The following GALNT17 variants were observed in gnomAD, a reference collection of about 807,000 sequenced individuals.
The protein encoded by GALNT17 is UDP-GalNAc:polypeptide N-acetylgalactosaminyltransferase-like 3.
Under a neutral mutation model 63.7 loss-of-function variants are expected in GALNT17, and 29 were observed. That is an observed-to-expected ratio of 0.46 (90% confidence interval 0.34 to 0.62). GALNT17 has a LOEUF of 0.62. Ranked by LOEUF, GALNT17 falls within the 20% of genes least tolerant of loss-of-function variation. The pLI is 0.01. For missense variants in GALNT17, 603 were observed against 799.6 expected, an observed-to-expected ratio of 0.75 and a Z score of 2.97; for synonymous variants, 305 against 318.3, an observed-to-expected ratio of 0.96 and a Z score of 0.45.
Position 71,570,390 on chromosome 7 carries a change from C to A in GALNT17, c.963-895C>A, listed in dbSNP as rs534545316. 3.3e-4 allele frequency among the ~76,000 whole-genome samples: 51 copies of A among 152,266 alleles called. 1 individual carries two copies. The South Asian group carries it at 0.01, about 31-fold the overall frequency. ...TAAAGACCCCACCCTGGTCCACTTT[C>A]TTCCAGCATAACGTGGAAATTGGAG... On this transcript the variant is annotated intron_variant, in intron 5 of 10. Transcript: ENST00000333538.
chr7:71,152,197 G>A (rs529958653), intron 1 of GALNT17, among the ~76,000 whole-genome samples: 16 of 152,096 alleles, frequency 1.1e-4, no homozygotes, highest in African/African-American at 3.6e-4. Flanking sequence ...CAAATCTCAC[G>A]AAATATCTTT....
chr7:71,616,288 C>A (rs1197546413), intron 6 of GALNT17, among the ~76,000 whole-genome samples: 3 of 151,882 alleles, frequency 2.0e-5, no homozygotes, highest in Non-Finnish European at 4.4e-5. Context: ...AGATTCTTTC[C>A]CCCCCGTCCT....
chr7:71,267,857 C>T (rs1383603742), intron 1 of GALNT17, among the ~76,000 whole-genome samples: 1 of 138,854 alleles, frequency 7.2e-6, no homozygotes, highest in East Asian at 2.5e-4. Flanking sequence ...CCCCCACCTG[C>T]CCCCACCCCC....
intron 2 of GALNT17, among the ~76,000 whole-genome samples, chr7:71,358,820 C>G (rs1474591593): frequency 6.6e-6 from 1 of 151,702 alleles, no homozygotes; most frequent in Admixed American, 6.6e-5. Context: ...GTTGCCCAGG[C>G]TGGAGTGCAG....
intron 1 of GALNT17, among the ~76,000 whole-genome samples, chr7:71,257,382 A>G (rs1790308069): frequency 6.6e-6 from 1 of 152,210 alleles, no homozygotes. Flanking sequence ...AAATTCTCCA[A>G]GTAGGTGGAT....
intron 7 of GALNT17, among the ~76,000 whole-genome samples, chr7:71,669,418 G>A (rs1198479663): frequency 6.6e-6 from 1 of 151,982 alleles, no homozygotes; most frequent in African/African-American, 2.4e-5. Context: ...GGCTGAGGCA[G>A]GAGAATCGCT....
At chr7:71,174,625 C>T (rs1487598789) in intron 1 of GALNT17, among the ~76,000 whole-genome samples, 11 of 151,990 alleles carry the variant, frequency 7.2e-5, no homozygotes, top group Non-Finnish European at 1.0e-4. Flanking sequence ...CAATGTTTTG[C>T]GGGCAGGGGA....
intron 5 of GALNT17, among the ~76,000 whole-genome samples, chr7:71,557,997 C>T (rs896159212): frequency 6.6e-6 from 1 of 151,938 alleles, no homozygotes; most frequent in Non-Finnish European, 1.5e-5. Flanking sequence ...TGGTTTGAAC[C>T]CAGGAGGCAG....
Position 71,678,110 on chromosome 7 carries a change from C to CTATT in GALNT17, c.1500+820_1500+823dup, listed in dbSNP as rs575550364. Among the ~76,000 whole-genome samples the CTATT allele has an allele frequency of 3.9e-4, 59 of 151,616 alleles. 1 individual carries two copies. Among genetic ancestry groups the CTATT allele is most frequent in the South Asian group, 3.1e-3 (15 of 4,780 alleles). On this transcript the variant is annotated intron_variant, in intron 9 of 10. Transcript: ENST00000333538. ...TTCCAGCACAGCCAAGCATTTTATA[C>CTATT]TATTTATTTATTTATTTATCTGTTT...
intron 1 of GALNT17, among the ~76,000 whole-genome samples, chr7:71,274,789 G>A (rs761179242): frequency 1.2e-4 from 18 of 152,170 alleles, no homozygotes; most frequent in Admixed American, 2.0e-4. Flanking sequence ...CAGGTACCCC[G>A]CAGAGGCTGT....
intron 5 of GALNT17, among the ~76,000 whole-genome samples, chr7:71,445,643 T>A (rs1426824357): frequency 6.6e-6 from 1 of 152,216 alleles, no homozygotes; most frequent in Non-Finnish European, 1.5e-5. Flanking sequence ...GGTAGGAGAC[T>A]GTAAAATAGG....
chr7:71,377,114 A>AAAATATATATATATATATATAT lies in GALNT17; in HGVS notation c.423-11120_423-11119insAATATATATATATATATATATA. ...AAAAAAAAAAAATAAAAATAAAAAA[A>AAAATATATATATATATATATAT]ATATATATATATATATATATATATA... On this transcript the variant is annotated intron_variant, in intron 2 of 10. Coordinates refer to ENST00000333538, the MANE Select transcript of GALNT17 (RefSeq NM_022479.3). 2.3e-4 allele frequency among the ~76,000 whole-genome samples: 13 copies of AAAATATATATATATATATATAT among 57,450 alleles called. 2 individuals are homozygous for AAAATATATATATATATATATAT. The highest frequency in any genetic ancestry group is 7.5e-4 in the Admixed American group (3 of 3,986). 37.7% of individuals were successfully genotyped at this position (57,450 alleles called of 152,430 possible). A position where few individuals can be genotyped will look rare whatever the true frequency, so the allele number is the denominator to read the frequency against.
intron 5 of GALNT17, among the ~76,000 whole-genome samples, chr7:71,489,732 G>A (rs1040023856): frequency 3.3e-5 from 5 of 152,210 alleles, no homozygotes; most frequent in Non-Finnish European, 7.3e-5. Flanking sequence ...GCAACCGCCT[G>A]CAAACATCAT....
At chr7:71,277,149 A>G (rs566620924) in intron 1 of GALNT17, among the ~76,000 whole-genome samples, 1 of 152,242 alleles carries the variant, frequency 6.6e-6, no homozygotes, top group Non-Finnish European at 1.5e-5. Flanking sequence ...ATGGAATACT[A>G]TGCAGCCATA....
chr7:71,153,311 G>C (rs192062186), intron 1 of GALNT17, among the ~76,000 whole-genome samples: 1 of 152,306 alleles, frequency 6.6e-6, no homozygotes, highest in East Asian at 1.9e-4. Flanking sequence ...AAGAACGCCT[G>C]TAATAGGAGA....
At chr7:71,392,431 G>A (rs1793067572) in intron 3 of GALNT17, among the ~76,000 whole-genome samples, 1 of 152,164 alleles carries the variant, frequency 6.6e-6, no homozygotes, top group South Asian at 2.1e-4. Flanking sequence ...AGCAGCAAAT[G>A]TTTTAGTGTA....
chr7:71,219,818 T>A (rs780634359), intron 1 of GALNT17, among the ~76,000 whole-genome samples: 2 of 152,208 alleles, frequency 1.3e-5, no homozygotes, highest in Non-Finnish European at 2.9e-5. Context: ...TTTGTTCTTT[T>A]GTATTTATGA....
At chr7:71,441,728 C>T (rs1787070403) in intron 5 of GALNT17, among the ~76,000 whole-genome samples, 1 of 152,182 alleles carries the variant, frequency 6.6e-6, no homozygotes, top group South Asian at 2.1e-4. Context: ...TGAGTGAGAA[C>T]ATGCAGTGTT....
intron 5 of GALNT17, among the ~76,000 whole-genome samples, chr7:71,568,497 C>T (rs73702217): frequency 1.3e-3 from 199 of 152,326 alleles, no homozygotes; most frequent in African/African-American, 4.6e-3. Context: ...CCATCTGCTA[C>T]AGCACCAGCA....
Sources: gnomAD v4.1 joint callset for allele counts (sites outside exome capture counted in the v4.1 genomes callset) on GRCh38, gnomAD v4.1.1 for gene constraint, MANE v1.5 for transcripts, NCBI Gene and HGNC (gene_info 2026-07-23, HGNC 2026-07-21) for gene names.